Variants in PLCXD3 observed in about 807,000 individuals in gnomAD.
PLCXD3 encodes phosphatidylinositol specific phospholipase C X domain containing 3.
In PLCXD3, 19 loss-of-function variants were observed where a neutral mutation model predicts 25.5. That is an observed-to-expected ratio of 0.75 (90% confidence interval 0.52 to 1.09). The LOEUF (loss-of-function observed/expected upper bound fraction) is 1.09, where lower values mean the gene tolerates loss of function less well. Ranked by LOEUF, PLCXD3 falls within the 50% of genes least tolerant of loss-of-function variation. PLCXD3 has a pLI of 0.00. For missense variants in PLCXD3, 411 were observed against 388.1 expected (o/e 1.06, Z -0.50); for synonymous variants, 174 against 137.6 (o/e 1.26, Z -1.85).
At chr5:41,327,523 T>C (rs759797750) in intron 2 of PLCXD3, among the ~76,000 whole-genome samples, 22 of 152,076 alleles carry the variant, frequency 1.4e-4, no homozygotes, top group Non-Finnish European at 2.5e-4. Context: ...GCTGTGAGAG[T>C]CTAAAAAAGC....
chr5:41,456,739 C>A (rs73079762), intron 1 of PLCXD3, among the ~76,000 whole-genome samples: 211 of 151,934 alleles, frequency 1.4e-3, no homozygotes, highest in African/African-American at 4.6e-3. Flanking sequence ...TCCCTTGTCC[C>A]TTCCACCATA....
rs1245925801 is a variant in PLCXD3, at chr5:41,505,537, C to T, written c.103+4887G>A. Among the ~76,000 whole-genome samples the T allele has an allele frequency of 2.0e-5, 3 of 152,098 alleles. No homozygotes were observed. The East Asian group carries it at 5.8e-4, about 29-fold the overall frequency. ...TAGCTTATAAATAAAATGAATCAAC[C>T]TGCAACTTATAACAGAAGGAGCTGG... On this transcript the variant is annotated intron_variant, in intron 1 of 2. Transcript: ENST00000377801.
intron 1 of PLCXD3, among the ~76,000 whole-genome samples, chr5:41,404,256 C>T (rs1262917717): frequency 2.0e-5 from 3 of 152,130 alleles, no homozygotes; most frequent in Non-Finnish European, 4.4e-5. Flanking sequence ...AAATACCTTT[C>T]ACACCTACTT....
intron 1 of PLCXD3, among the ~76,000 whole-genome samples, chr5:41,476,696 G>A (rs1238925427): frequency 6.6e-6 from 1 of 152,154 alleles, no homozygotes; most frequent in East Asian, 1.9e-4. Flanking sequence ...AATCTTAGCT[G>A]TGAATGTGAC....
intron 2 of PLCXD3, among the ~76,000 whole-genome samples, chr5:41,363,284 T>A (rs560439526): frequency 6.6e-6 from 1 of 152,314 alleles, no homozygotes; most frequent in East Asian, 1.9e-4. Context: ...AGGGGCTATG[T>A]CCTAATCATT....
intron 1 of PLCXD3, among the ~76,000 whole-genome samples, chr5:41,398,971 A>G (rs917516692): frequency 8.5e-5 from 13 of 152,222 alleles, no homozygotes; most frequent in African/African-American, 2.9e-4. Flanking sequence ...TCAGAGAACA[A>G]CTATTAGAAC....
At chr5:41,370,544 C>G (rs544266377) in intron 2 of PLCXD3, among the ~76,000 whole-genome samples, 7 of 152,260 alleles carry the variant, frequency 4.6e-5, no homozygotes, top group African/African-American at 1.7e-4. Context: ...GTAGGACACG[C>G]TTACAGCAAC....
intron 1 of PLCXD3, among the ~76,000 whole-genome samples, chr5:41,424,940 C>T (rs1466120881): frequency 6.6e-6 from 1 of 152,104 alleles, no homozygotes; most frequent in Non-Finnish European, 1.5e-5. Context: ...TATGATCTAG[C>T]ACACAATATG....
At chr5:41,472,901 T>A (rs540683269) in intron 1 of PLCXD3, among the ~76,000 whole-genome samples, 3 of 152,294 alleles carry the variant, frequency 2.0e-5, no homozygotes, top group African/African-American at 4.8e-5. Flanking sequence ...AGGAACAATT[T>A]TTTTTTGCTT....
At chr5:41,477,676 A>C (rs1748311044) in intron 1 of PLCXD3, among the ~76,000 whole-genome samples, 1 of 151,934 alleles carries the variant, frequency 6.6e-6, no homozygotes, top group Non-Finnish European at 1.5e-5. Flanking sequence ...TTCCAAAAAA[A>C]AATTAAAAAA....
At chr5:41,485,243 T>A (rs902513873) in intron 1 of PLCXD3, among the ~76,000 whole-genome samples, 1 of 151,808 alleles carries the variant, frequency 6.6e-6, no homozygotes, top group Non-Finnish European at 1.5e-5. Flanking sequence ...TATCTTAGAG[T>A]GAAAAAATGT....
chr5:41,329,266 C>T (rs749866215), intron 2 of PLCXD3, among the ~76,000 whole-genome samples: 1 of 152,206 alleles, frequency 6.6e-6, no homozygotes, highest in Non-Finnish European at 1.5e-5. Context: ...TTAAATGTCA[C>T]TTCTTCGAAA....
intron 1 of PLCXD3, among the ~76,000 whole-genome samples, chr5:41,508,067 G>T (rs1437476346): frequency 6.6e-6 from 1 of 152,170 alleles, no homozygotes; most frequent in Admixed American, 6.5e-5. Context: ...GTATAGATTT[G>T]ATGAAAAATG....
intron 1 of PLCXD3, among the ~76,000 whole-genome samples, chr5:41,491,230 T>C (rs1171141956): frequency 1.3e-5 from 2 of 152,238 alleles, no homozygotes; most frequent in Non-Finnish European, 2.9e-5. Flanking sequence ...TCAGTTTCCA[T>C]GTAGTTGAGT....
chr5:41,459,593 C>G (rs973190084), intron 1 of PLCXD3, among the ~76,000 whole-genome samples: 1 of 151,786 alleles, frequency 6.6e-6, no homozygotes, highest in African/African-American at 2.4e-5. Context: ...ATAACACACA[C>G]AGAATATTAA....
chr5:41,361,317 C>G (rs898069751), intron 2 of PLCXD3, among the ~76,000 whole-genome samples: 6 of 152,202 alleles, frequency 3.9e-5, no homozygotes, highest in African/African-American at 1.4e-4. Context: ...TGAGAATTTG[C>G]CCCATACCAT....
rs1477584473 is a variant in PLCXD3 at position 41,403,598 on chromosome 5, C to T, written c.104-21064G>A. 1.5e-4 allele frequency among the ~76,000 whole-genome samples: 13 copies of T among 85,272 alleles called. 1 individual carries two copies. The highest frequency in any genetic ancestry group is 5.4e-4 in the Admixed American group (4 of 7,430). The allele number at this position is 85,272 out of a possible 152,430, so 55.9% of individuals were successfully genotyped here. On this transcript the variant is annotated intron_variant, in intron 1 of 2. Transcript: ENST00000377801. ...GTCCCCAGAGTGTGATATTCCCCTTCCTGTGTCCATGTGATCTCATTGTTC... is the reference window on the plus strand; with the variant it reads ...GTCCCCAGAGTGTGATATTCCCCTTTCTGTGTCCATGTGATCTCATTGTTC...
At chr5:41,435,013 A>T (rs927244819) in intron 1 of PLCXD3, among the ~76,000 whole-genome samples, 2 of 152,252 alleles carry the variant, frequency 1.3e-5, no homozygotes, top group African/African-American at 2.4e-5. Flanking sequence ...AGAAAATTTT[A>T]AAATTACATA....
intron 2 of PLCXD3, among the ~76,000 whole-genome samples, chr5:41,364,495 C>T (rs1744880688): frequency 6.6e-6 from 1 of 152,096 alleles, no homozygotes; most frequent in African/African-American, 2.4e-5. Context: ...CAAAGGTTGC[C>T]TGGAGATGGG....
Sources: gnomAD v4.1 joint callset for allele counts (sites outside exome capture counted in the v4.1 genomes callset) on GRCh38, gnomAD v4.1.1 for gene constraint, MANE v1.5 for transcripts, NCBI Gene and HGNC (gene_info 2026-07-23, HGNC 2026-07-21) for gene names.